Variants in DMRT3 observed in about 807,000 individuals in gnomAD.
The protein encoded by DMRT3 is doublesex and mab-3 related transcription factor 3.
In DMRT3, 29 loss-of-function variants were observed where a neutral mutation model predicts 34.9. The observed-to-expected ratio is 0.83, with a 90% CI of 0.62 to 1.13. The LOEUF (loss-of-function observed/expected upper bound fraction) is 1.13, where lower values mean the gene tolerates loss of function less well. Among genes scored for constraint, DMRT3 ranks in the 50% most tolerant of loss-of-function variants. The probability of loss-of-function intolerance (pLI) is 0.00; values close to 1 mark genes in which losing one functional copy is unlikely to be tolerated. For missense variants in DMRT3, 772 were observed against 629.1 expected, an observed-to-expected ratio of 1.23 and a Z score of -2.43; for synonymous variants, 350 against 286.0, an observed-to-expected ratio of 1.22 and a Z score of -2.26.
chr9:984,709 G>A (rs1433277562), intron 1 of DMRT3, among the ~76,000 whole-genome samples: 2 of 151,920 alleles, frequency 1.3e-5, no homozygotes, highest in African/African-American at 4.8e-5. Flanking sequence ...CACCTGCCTC[G>A]GCCTCCCAAA....
At position 990,539 on chromosome 9, in the gene DMRT3, T is replaced by C; in HGVS notation, c.953T>C (p.Leu318Ser). ...PSNGHIFEHT[L>S]SSYPISSSKW... Reference sequence around the variant, plus strand: ...AATGGGCACATCTTTGAACACACCTTGAGCTCCTACCCCATCTCGTCTTCC... The same window carrying C: ...AATGGGCACATCTTTGAACACACCTCGAGCTCCTACCCCATCTCGTCTTCC... The change falls in exon 2 of 2, where the codon TTG becomes TCG. Residue 318 changes from leucine to serine, a missense_variant. Transcript: ENST00000190165. 1 of 1,613,986 alleles carries C rather than the reference T, an allele frequency of 6.2e-7. No individual in the cohort carries two copies. Among genetic ancestry groups the C allele is most frequent in the Non-Finnish European group, 8.5e-7 (1 of 1,179,940 alleles).
rs1820325332 is a variant in DMRT3, at chr9:989,466, A to G, written c.455-575A>G. Among the ~76,000 whole-genome samples the G allele has an allele frequency of 2.6e-5, 4 of 152,218 alleles. No individual in the cohort carries two copies. The South Asian group carries it at 8.3e-4, about 31-fold the overall frequency. On this transcript the variant is annotated intron_variant, in intron 1 of 1. Transcript: ENST00000190165. ...GATAGAGGTATCTTTCACTTCAGCA[A>G]TTGAATTAGCTAGCTATTGTATATG... is the stretch of plus-strand genomic sequence containing the variant.
At chr9:980,894 C>T (rs1820208736) in intron 1 of DMRT3, among the ~76,000 whole-genome samples, 2 of 152,258 alleles carry the variant, frequency 1.3e-5, no homozygotes, top group East Asian at 1.9e-4. Context: ...GGAGTGTCCT[C>T]GGACACCTTA....
intron 1 of DMRT3, among the ~76,000 whole-genome samples, chr9:978,559 G>A (rs540938565): frequency 1.3e-5 from 2 of 152,194 alleles, no homozygotes; most frequent in South Asian, 2.1e-4. Context: ...CCCTAAAGAC[G>A]GTACCCCTAG....
At chr9:981,440 T>C (rs1222650404) in intron 1 of DMRT3, among the ~76,000 whole-genome samples, 2 of 152,184 alleles carry the variant, frequency 1.3e-5, no homozygotes, top group African/African-American at 4.8e-5. Context: ...AAACAGGGTC[T>C]CATTTTAAGA....
At chr9:984,457 A>G (rs191323279) in intron 1 of DMRT3, among the ~76,000 whole-genome samples, 1,720 of 128,692 alleles carry the variant, frequency 0.013, 46 homozygotes, top group East Asian at 0.11. Flanking sequence ...AAGATTTTTC[A>G]CATTTTTTTT....
At chr9:977,563 C>G (rs1480584309) in intron 1 of DMRT3, 108 bp downstream of exon 1, 13 of 1,020,644 alleles carry the variant, frequency 1.3e-5, no homozygotes, top group Middle Eastern at 4.3e-4. Flanking sequence ...GGACGTGGGC[C>G]TGTCGGGGCT....
intron 1 of DMRT3, among the ~76,000 whole-genome samples, chr9:987,589 G>A (rs1820301783): frequency 6.6e-6 from 1 of 152,088 alleles, no homozygotes; most frequent in African/African-American, 2.4e-5. Context: ...AATGCTGCCA[G>A]GCCCTGTTTG....
At position 990,599 on chromosome 9, in the gene DMRT3, A is replaced by T. The variant is rs765153317; in HGVS notation, c.1013A>T (p.Asp338Val). 1.4e-5 allele frequency: 22 copies of T among 1,613,966 alleles called. No homozygotes were observed. Among genetic ancestry groups the T allele is most frequent in the Non-Finnish European group, 1.9e-5 (22 of 1,180,018 alleles). The change falls in exon 2 of 2, where the codon GAC (aspartate) becomes GTC (valine). Residue 338 changes from aspartate (D) to valine (V), a missense_variant. Physicochemically the swap from Asp to Val is radical, Grantham distance 152. Coordinates refer to ENST00000190165, the MANE Select transcript of DMRT3 (RefSeq NM_021240.4). ...GTGGGATCAGCCTTTCGAGTCCCAGACACGTTGAGGTTTTCTGCCGACTCT... is the reference window on the plus strand; with the variant it reads ...GTGGGATCAGCCTTTCGAGTCCCAGTCACGTTGAGGTTTTCTGCCGACTCT... ...WSVGSAFRVP[D>V]TLRFSADSSN...
chr9:976,827 G>A lies in DMRT3; in HGVS notation c.-175G>A. The A allele has an allele frequency of 1.8e-6, 1 of 543,702 alleles. No homozygotes were observed. 33.7% of individuals were successfully genotyped at this position (543,702 alleles called of 1,614,324 possible). ...CGAGCTGTGAGCGCGAAGGGAGCTGGAGAGACGACTGCGGCACCTCCGGCC... is the reference window on the plus strand; with the variant it reads ...CGAGCTGTGAGCGCGAAGGGAGCTGAAGAGACGACTGCGGCACCTCCGGCC... On this transcript the variant is annotated 5_prime_UTR_variant, in exon 1 of 2. Coordinates refer to ENST00000190165, the MANE Select transcript of DMRT3 (RefSeq NM_021240.4). The surrounding 1 kb of genome is among the most constrained non-coding windows in gnomAD (Gnocchi z 4.5).
intron 1 of DMRT3, 178 bp from the exon 2 acceptor site, chr9:989,863 T>A: frequency 2.9e-6 from 2 of 697,268 alleles, no homozygotes; most frequent in South Asian, 2.4e-5. Context: ...ATTTACAGGG[T>A]TTTTGTTTCA....
intron 1 of DMRT3, 131 bp from the exon 2 acceptor site, chr9:989,910 C>G: frequency 8.3e-7 from 1 of 1,208,942 alleles, no homozygotes; most frequent in South Asian, 1.6e-5. Flanking sequence ...TTTAAAAAGG[C>G]TTGTAGTATA....
At chr9:982,193 C>T (rs1297697244) in intron 1 of DMRT3, among the ~76,000 whole-genome samples, 1 of 152,220 alleles carries the variant, frequency 6.6e-6, no homozygotes, top group African/African-American at 2.4e-5. Context: ...CACCCCTTGG[C>T]GGTGGGGTCG....
chr9:986,218 G>A (rs959763529), intron 1 of DMRT3, among the ~76,000 whole-genome samples: 8 of 152,028 alleles, frequency 5.3e-5, no homozygotes, highest in Non-Finnish European at 7.4e-5. Context: ...TTCCACTACC[G>A]TCTGTTCCGC....
intron 1 of DMRT3, 99 bp downstream of exon 1, chr9:977,554 G>A (rs924712614): frequency 4.5e-6 from 5 of 1,110,560 alleles, no homozygotes; most frequent in Admixed American, 8.9e-5. Context: ...AAAGTTTTGG[G>A]ACGTGGGCCT....
intron 1 of DMRT3, among the ~76,000 whole-genome samples, chr9:982,861 C>T (rs990745659): frequency 1.3e-4 from 20 of 152,240 alleles, no homozygotes; most frequent in African/African-American, 4.1e-4. Context: ...CCTTTCTTCC[C>T]GCCTTTAAAC....
chr9:977,520 G>C, intron 1 of DMRT3, 65 bp downstream of exon 1: 1 of 1,210,852 alleles, frequency 8.3e-7, no homozygotes, highest in Non-Finnish European at 1.0e-6. Context: ...GCCAGCTGCA[G>C]CTCCACTTGG....
Position 990,090 on chromosome 9 carries a change from G to C in DMRT3, c.504G>C (p.Glu168Asp), listed in dbSNP as rs775090232. 1.2e-6 allele frequency: 2 copies of C among 1,614,032 alleles called. No homozygotes were observed. The highest frequency in any genetic ancestry group is 4.5e-5 in the East Asian group (2 of 44,858). ...LGDGKSADNT[E>D]VFSDKDTDQR... ...ACGGCAAGTCGGCAGACAATACAGA[G>C]GTCTTCAGTGACAAAGACACTGACC... is the stretch of plus-strand genomic sequence containing the variant. The change falls in exon 2 of 2, where the codon GAG (glutamate) becomes GAC (aspartate). Residue 168 changes from glutamate to aspartate, a missense_variant. Physicochemically the swap from Glu to Asp is conservative, Grantham distance 45. Coordinates refer to ENST00000190165, the MANE Select transcript of DMRT3 (RefSeq NM_021240.4).
chr9:982,268 G>A (rs1704308937), intron 1 of DMRT3, among the ~76,000 whole-genome samples: 1 of 152,170 alleles, frequency 6.6e-6, no homozygotes. Context: ...CGTCAGGGAG[G>A]TGCTGGGGTC....
Sources: allele counts gnomAD v4.1 joint callset (sites outside exome capture counted in the v4.1 genomes callset), GRCh38; gene constraint gnomAD v4.1.1; non-coding constraint Gnocchi (gnomAD v3.1); transcripts MANE v1.5; gene names NCBI Gene and HGNC (gene_info 2026-07-23, HGNC 2026-07-21).